The following TUBGCP3 variants were observed in gnomAD, a reference collection of about 807,000 sequenced individuals.
TUBGCP3 encodes gamma-tubulin complex component 3.
A neutral mutation model predicts 123.1 loss-of-function variants in TUBGCP3; 50 were observed. That is an observed-to-expected ratio of 0.41 (90% CI 0.32 to 0.51). The LOEUF is 0.51. Ranked by LOEUF, TUBGCP3 falls within the 20% of genes least tolerant of loss-of-function variation. The pLI is 0.36. For synonymous variants in TUBGCP3, 405 were observed against 413.9 expected (o/e 0.98, Z 0.26); for missense variants, 882 against 1,127.0 (o/e 0.78, Z 3.11).
chr13:112,555,792 G>A (rs538440503), intron 6 of TUBGCP3, among the ~76,000 whole-genome samples: 2 of 152,170 alleles, frequency 1.3e-5, no homozygotes, highest in African/African-American at 4.8e-5. Context: ...GCAAAGACGA[G>A]AGATGTGGAG....
At chr13:112,586,111 C>T (rs919057736) in intron 1 of TUBGCP3, among the ~76,000 whole-genome samples, 4 of 151,634 alleles carry the variant, frequency 2.6e-5, no homozygotes, top group South Asian at 2.1e-4. Context: ...TGGTGGCGGG[C>T]GCCTGTAGTC....
chr13:112,488,652 G>A (rs1172870747), intron 21 of TUBGCP3, among the ~76,000 whole-genome samples: 1 of 149,332 alleles, frequency 6.7e-6, no homozygotes, highest in Non-Finnish European at 1.5e-5. Context: ...TCACCCCCAG[G>A]TCCCCACATC....
chr13:112,571,401 C>T (rs9577814), intron 1 of TUBGCP3, among the ~76,000 whole-genome samples: 23,975 of 152,218 alleles, frequency 0.16, 2,151 homozygotes, highest in Non-Finnish European at 0.21. Flanking sequence ...TTCTGAGCAG[C>T]AGACCTTAAT....
intron 7 of TUBGCP3, among the ~76,000 whole-genome samples, chr13:112,554,473 A>G (rs1230103431): frequency 6.6e-6 from 1 of 152,212 alleles, no homozygotes; most frequent in Non-Finnish European, 1.5e-5. Flanking sequence ...TAAGAGCCAC[A>G]GTGTGACCCA....
At chr13:112,532,252 T>C (rs1347775447) in intron 11 of TUBGCP3, among the ~76,000 whole-genome samples, 1 of 152,208 alleles carries the variant, frequency 6.6e-6, no homozygotes, top group Admixed American at 6.5e-5. Context: ...TCAAGAGGTA[T>C]GGCATAAAAA....
At chr13:112,512,418 A>G (rs1881730401) in intron 17 of TUBGCP3, among the ~76,000 whole-genome samples, 1 of 119,416 alleles carries the variant, frequency 8.4e-6, no homozygotes, top group African/African-American at 3.6e-5. Context: ...ACAGAGCAAG[A>G]CTCTGTCTCA....
rs781742887 is a variant in TUBGCP3, at chr13:112,486,095, C to T, written c.2622G>A (p.Arg874=). The change falls in exon 22 of 22, where the codon CGG becomes CGA. Residue 874 remains arginine (R), a synonymous_variant. Coordinates refer to ENST00000261965, the MANE Select transcript of TUBGCP3 (RefSeq NM_006322.6). Reference sequence around the variant, plus strand: ...TGAAGTCCAGCCTGAAGCTAAGAAACCGAAGACTCTCGTCAGAGCTGGTCG... The same window carrying T: ...TGAAGTCCAGCCTGAAGCTAAGAAATCGAAGACTCTCGTCAGAGCTGGTCG... The part of the protein sequence containing the change: ...LLTTSSDESL[R]FLSFRLDFNE... The T allele has an allele frequency of 1.2e-6, 2 of 1,610,806 alleles. No homozygotes were observed. Among genetic ancestry groups the T allele is most frequent in the Admixed American group, 1.7e-5 (1 of 59,842 alleles).
chr13:112,569,533 A>C (rs1881238567), intron 1 of TUBGCP3, among the ~76,000 whole-genome samples: 1 of 152,218 alleles, frequency 6.6e-6, no homozygotes, highest in Admixed American at 6.5e-5. Flanking sequence ...TCACGAAAAG[A>C]AAAGGAACAG....
At chr13:112,587,354 A>G (rs1882682110) in intron 1 of TUBGCP3, 2 of 152,422 alleles carry the variant, frequency 1.3e-5, no homozygotes, top group African/African-American at 2.4e-5. Flanking sequence ...TACAGTCGTT[A>G]ACACCCTCTT....
chr13:112,489,748 T>C, intron 20 of TUBGCP3, 51 bp from the exon 21 acceptor site: 9 of 1,492,182 alleles, frequency 6.0e-6, no homozygotes, highest in Non-Finnish European at 8.4e-6. Flanking sequence ...GGAAAACAGA[T>C]TACAGAGTAG....
Position 112,489,783 on chromosome 13 carries a change from CAGG to C in TUBGCP3, c.2449-89_2449-87del, listed in dbSNP as rs530200457. 2.8e-5 allele frequency: 30 copies of C among 1,084,784 alleles called. 1 individual carries two copies. The East Asian group carries it at 6.9e-4, about 25-fold the overall frequency. 67.2% of individuals were successfully genotyped at this position (1,084,784 alleles called of 1,614,324 possible). On this transcript the variant is annotated intron_variant, in intron 20 of 21. Coordinates refer to ENST00000261965, the MANE Select transcript of TUBGCP3 (RefSeq NM_006322.6). ...GGGCTGAAAACAGGTATGTGAGGAG[CAGG>C]AGGTGTCTGCTTTTTATGCCTCTCT... is the stretch of plus-strand genomic sequence containing the variant.
chr13:112,513,212 A>G (rs1029982276), intron 17 of TUBGCP3, among the ~76,000 whole-genome samples: 43 of 152,232 alleles, frequency 2.8e-4, no homozygotes, highest in African/African-American at 1.0e-3. Context: ...TATCTGAAAC[A>G]TGAATTTAGT....
At chr13:112,531,846 C>T (rs146769983) in intron 11 of TUBGCP3, among the ~76,000 whole-genome samples, 6 of 152,086 alleles carry the variant, frequency 3.9e-5, no homozygotes, top group South Asian at 2.1e-4. Context: ...AATATAATTG[C>T]GATACGCTTT....
chr13:112,570,075 C>A (rs9577810), intron 1 of TUBGCP3, among the ~76,000 whole-genome samples: 4 of 152,044 alleles, frequency 2.6e-5, no homozygotes, highest in East Asian at 1.9e-4. Flanking sequence ...CAAGTTTGGA[C>A]GGAAACAGAC....
chr13:112,519,657 C>T lies in TUBGCP3; in HGVS notation c.1881+229G>A, dbSNP rs1428599702. 6.6e-6 allele frequency among the ~76,000 whole-genome samples: 1 copy of T among 152,270 alleles called. No homozygotes were observed. Among genetic ancestry groups the T allele is most frequent in the East Asian group, 1.9e-4 (1 of 5,202 alleles). On this transcript the variant is annotated intron_variant, in intron 15 of 21. Transcript: ENST00000261965. This position sits in a 1 kb window ranked among gnomAD's most constrained non-coding sequence, Gnocchi z 6.2. ...GCTTAAGCCTAGCAGCCCTGCAAGG[C>T]TCCCCGCTGCAAGATGGGCAAACGG...
In TUBGCP3 at chr13:112,526,837, A is replaced by T. The variant is rs1164714009; in HGVS notation, c.1555+105T>A. The T allele has an allele frequency of 7.3e-6, 6 of 822,518 alleles. No homozygotes were observed. The East Asian group carries it at 1.5e-4, about 21-fold the overall frequency. 51.0% of individuals were successfully genotyped at this position (822,518 alleles called of 1,614,324 possible). A position where few individuals can be genotyped will look rare whatever the true frequency, so the allele number is the denominator to read the frequency against. On this transcript the variant is annotated intron_variant, in intron 13 of 21. Transcript: ENST00000261965. ...TCATCCCCATCATCACACCATCACA[A>T]TCACTACGTCATCAACATCACTGTT...
At chr13:112,510,829 A>G (rs73566348) in intron 17 of TUBGCP3, among the ~76,000 whole-genome samples, 2,986 of 152,240 alleles carry the variant, frequency 0.02, 85 homozygotes, top group African/African-American at 0.067. Flanking sequence ...GTTTCCATCA[A>G]TTGGAGCCAG....
chr13:112,544,203 C>T (rs956248407), intron 11 of TUBGCP3, among the ~76,000 whole-genome samples: 2 of 151,978 alleles, frequency 1.3e-5, no homozygotes, highest in African/African-American at 4.8e-5. Flanking sequence ...CCTGTAATCC[C>T]AGCACTTTGG....
At chr13:112,571,679 C>T (rs570021332) in intron 1 of TUBGCP3, among the ~76,000 whole-genome samples, 13 of 152,272 alleles carry the variant, frequency 8.5e-5, no homozygotes, top group Middle Eastern at 3.4e-3. Flanking sequence ...TCTTATTAGA[C>T]GCCAATAAGA....
Sources: allele counts gnomAD v4.1 joint callset (sites outside exome capture counted in the v4.1 genomes callset), GRCh38; gene constraint gnomAD v4.1.1; non-coding constraint Gnocchi (gnomAD v3.1); transcripts MANE v1.5; gene names NCBI Gene and HGNC (gene_info 2026-07-23, HGNC 2026-07-21).